The following SERPINB13 variants were observed in gnomAD, a reference collection of about 807,000 sequenced individuals.
The protein encoded by SERPINB13 is serpin family B member 13, also known as serpin B13.
A neutral mutation model predicts 31.2 loss-of-function variants in SERPINB13; 26 were observed. The observed-to-expected ratio is 0.83, with a 90% CI of 0.61 to 1.15. The LOEUF is 1.15. Among genes scored for constraint, SERPINB13 ranks in the 50% most tolerant of loss-of-function variants. The pLI is 0.00. For synonymous variants in SERPINB13, 191 were observed against 172.4 expected, an observed-to-expected ratio of 1.11 and a Z score of -0.85; for missense variants, 510 against 469.4, an observed-to-expected ratio of 1.09 and a Z score of -0.80.
chr18:63,592,279 C>T lies in SERPINB13; in HGVS notation c.226-69C>T, dbSNP rs572847965. On this transcript the variant is annotated intron_variant, in intron 3 of 7. Transcript: ENST00000344731. ...GGAGGGAGAGACCCAGCAGCCGCAT[C>T]CTCTTAGGGGAGAATCTGGGCTTGC... 3 of 1,530,562 alleles carry T rather than the reference C, an allele frequency of 2.0e-6. No individual in the cohort carries two copies. The East Asian group carries it at 6.9e-5, about 35-fold the overall frequency. 94.8% of individuals were successfully genotyped at this position (1,530,562 alleles called of 1,614,324 possible).
In SERPINB13 at chr18:63,597,156, C is replaced by T. The variant is rs1384252179; in HGVS notation, c.969C>T (p.Ser323=). 5.0e-6 allele frequency: 8 copies of T among 1,614,058 alleles called. No individual in the cohort carries two copies. The highest frequency in any genetic ancestry group is 1.1e-5 in the South Asian group (1 of 91,090). Residue 323 remains serine (S), a synonymous_variant, in exon 8 of 8, where the codon TCC becomes TCT. Coordinates refer to ENST00000344731, the MANE Select transcript of SERPINB13 (RefSeq NM_012397.4). ...ACTACTCGGGAATGTCGTCAGGCTCCGGGTTGTACGCCCAGAAGTTCCTGC... is the reference window on the plus strand; with the variant it reads ...ACTACTCGGGAATGTCGTCAGGCTCTGGGTTGTACGCCCAGAAGTTCCTGC... ...KADYSGMSSG[S]GLYAQKFLHS...
rs1290572363 is a variant in SERPINB13 at position 63,594,390 on chromosome 18, A to G, written c.508A>G (p.Ser170Gly). The change falls in exon 6 of 8, where the codon AGT (serine) becomes GGT (glycine). Residue 170 changes from serine to glycine, a missense_variant. Transcript: ENST00000344731. Reference protein sequence around the residue: ...IKDLFPDGSISSSTKLVLVNM... With the variant: ...IKDLFPDGSIGSSTKLVLVNM... Reference sequence around the variant, plus strand: ...GGACTTGTTCCCAGATGGCTCTATTAGTAGCTCTACCAAGCTGGTGCTGGT... The same window carrying G: ...GGACTTGTTCCCAGATGGCTCTATTGGTAGCTCTACCAAGCTGGTGCTGGT... 1.2e-6 allele frequency: 2 copies of G among 1,614,090 alleles called. No individual in the cohort carries two copies. Among genetic ancestry groups the G allele is most frequent in the Non-Finnish European group, 1.7e-6 (2 of 1,180,032 alleles).
At position 63,595,156 on chromosome 18, in the gene SERPINB13, T is replaced by A; in HGVS notation, c.743T>A (p.Leu248Gln). 6.2e-7 allele frequency: 1 copy of A among 1,613,670 alleles called. No homozygotes were observed. Among genetic ancestry groups the A allele is most frequent in the Non-Finnish European group, 8.5e-7 (1 of 1,179,852 alleles). ...KNNDLSMFVL[L>Q]PNDIDGLEKI... ...AACGACCTAAGCATGTTTGTGCTTC[T>A]GCCCAACGACATCGATGGCCTGGAG... The change falls in exon 7 of 8, where the codon CTG (leucine) becomes CAG (glutamine). Residue 248 changes from leucine (L) to glutamine (Q), a missense_variant. Transcript: ENST00000344731.
rs1413226769 is a variant in SERPINB13 at position 63,597,291 on chromosome 18, T to C, written c.1104T>C (p.His368=). 1 of 1,614,074 alleles carries C rather than the reference T, an allele frequency of 6.2e-7. No homozygotes were observed. Reference sequence around the variant, plus strand: ...GTCATGAAAATGTTCACTGCAATCATCCCTTCCTGTTCTTCATCAGGCACA... The same window carrying C: ...GTCATGAAAATGTTCACTGCAATCACCCCTTCCTGTTCTTCATCAGGCACA... ...APGHENVHCN[H]PFLFFIRHNE... is the part of the protein sequence containing the mutation. Residue 368 remains histidine (H), a synonymous_variant, in exon 8 of 8, where the codon CAT becomes CAC. Transcript: ENST00000344731.
In SERPINB13 at chr18:63,596,956, T is replaced by C. The variant is rs1050706376; in HGVS notation, c.772-3T>C. On this transcript the variant is annotated splice_polypyrimidine_tract_variant and splice_region_variant and intron_variant, in intron 7 of 7. Transcript: ENST00000344731. ...CATTCTACTCTTCTTTTTTTGAAAA[T>C]AGATAATAGATAAAATAAGTCCTGA... 6 of 1,586,896 alleles carry C rather than the reference T, an allele frequency of 3.8e-6. No individual in the cohort carries two copies. The highest frequency in any genetic ancestry group is 1.4e-5 in the African/African-American group (1 of 73,730).
chr18:63,589,599 T>G (rs547585347), intron 2 of SERPINB13, 57 bp from the exon 3 acceptor site: 2 of 1,590,030 alleles, frequency 1.3e-6, no homozygotes, highest in African/African-American at 2.7e-5. Flanking sequence ...CCTGACTGAT[T>G]CTGTGTGAGG....
In SERPINB13 at chr18:63,592,966, C is replaced by A; in HGVS notation, c.467C>A (p.Thr156Lys). Residue 156 changes from threonine to lysine, a missense_variant, in exon 5 of 8, where the codon ACA (threonine) becomes AAA (lysine). Transcript: ENST00000344731. ...KKINSWVESK[T>K]NEKIKDLFPD... is the part of the protein sequence containing the mutation. ...ATTAATTCCTGGGTTGAAAGCAAAA[C>A]AAATGGTAGAGTATGGGTGGGTCAT... The A allele has an allele frequency of 6.3e-7, 1 of 1,598,296 alleles. No individual in the cohort carries two copies. Among genetic ancestry groups the A allele is most frequent in the Non-Finnish European group, 8.6e-7 (1 of 1,169,426 alleles).
intron 3 of SERPINB13, among the ~76,000 whole-genome samples, chr18:63,590,875 G>C (rs1911809982): frequency 6.6e-6 from 1 of 152,142 alleles, no homozygotes; most frequent in South Asian, 2.1e-4. Context: ...CATCTTAGAG[G>C]TCATCTACTC....
At chr18:63,595,257 C>T in intron 7 of SERPINB13, 73 bp downstream of exon 7, 1 of 1,472,882 alleles carries the variant, frequency 6.8e-7, no homozygotes, top group Non-Finnish European at 9.2e-7. Flanking sequence ...TGAGTAGGAG[C>T]TGGTGGCCAG....
chr18:63,595,331 A>G (rs1053089199), intron 7 of SERPINB13, 147 bp downstream of exon 7: 2 of 720,312 alleles, frequency 2.8e-6, no homozygotes, highest in South Asian at 2.0e-5. Flanking sequence ...ACTGGGGAGC[A>G]TTAAATAGTA....
intron 3 of SERPINB13, 183 bp downstream of exon 3, chr18:63,589,898 T>C: frequency 8.3e-7 from 1 of 1,206,662 alleles, no homozygotes; most frequent in Non-Finnish European, 1.1e-6. Context: ...GATTATACAA[T>C]AATAATAACC....
chr18:63,595,296 C>T, intron 7 of SERPINB13, 112 bp downstream of exon 7: 1 of 1,061,038 alleles, frequency 9.4e-7, no homozygotes, highest in Non-Finnish European at 1.4e-6. Flanking sequence ...GTTTCTCACT[C>T]TCCAGCAGCT....
At chr18:63,596,786 CAGAG>C (rs1329585434) in intron 7 of SERPINB13, among the ~76,000 whole-genome samples, 169 bp from the exon 8 acceptor site, 1 of 152,068 alleles carries the variant, frequency 6.6e-6, no homozygotes, top group Non-Finnish European at 1.5e-5. Context: ...ATAATTTAAA[CAGAG>C]AGATATAAGA....
Position 63,588,697 on chromosome 18 carries a change from A to C in SERPINB13, c.30A>C (p.Arg10=). The C allele has an allele frequency of 6.2e-7, 1 of 1,614,120 alleles. No homozygotes were observed. The change falls in exon 2 of 8, where the codon CGA becomes CGC. Residue 10 remains arginine, a synonymous_variant. Coordinates refer to ENST00000344731, the MANE Select transcript of SERPINB13 (RefSeq NM_012397.4). MDSLGAVST[R]LGFDLFKELK... The stretch of plus-strand genomic sequence containing the variant: ...ATTCACTTGGCGCCGTCAGCACTCG[A>C]CTTGGGTTTGATCTTTTCAAAGAGC...
At chr18:63,589,057 G>A (rs1051642877) in intron 2 of SERPINB13, among the ~76,000 whole-genome samples, 1 of 152,106 alleles carries the variant, frequency 6.6e-6, no homozygotes, top group African/African-American at 2.4e-5. Context: ...ATTTTTTTGA[G>A]TAGAGACTGG....
chr18:63,596,421 A>T (rs1912170313), intron 7 of SERPINB13, among the ~76,000 whole-genome samples: 1 of 152,226 alleles, frequency 6.6e-6, no homozygotes, highest in Non-Finnish European at 1.5e-5. Context: ...TTTGAAATTC[A>T]TCGTAATTAT....
rs151127935 is a variant in SERPINB13 at position 63,587,431 on chromosome 18, C to T, written c.-37C>T. 146 of 470,984 alleles carry T rather than the reference C, an allele frequency of 3.1e-4. No individual in the cohort carries two copies. The highest frequency in any genetic ancestry group is 2.7e-3 in the African/African-American group (134 of 50,184). 29.2% of individuals were successfully genotyped at this position (470,984 alleles called of 1,614,324 possible). ...TCCTAGTTCGTTGCCCAGCCACCAC[C>T]GTCTCTCCAAAAACCCGAGGTAAGT... On this transcript the variant is annotated 5_prime_UTR_variant, in exon 1 of 8. Coordinates refer to ENST00000344731, the MANE Select transcript of SERPINB13 (RefSeq NM_012397.4).
Position 63,594,394 on chromosome 18 carries a change from G to A in SERPINB13, c.512G>A (p.Ser171Asn), listed in dbSNP as rs544319890. Residue 171 changes from serine (S) to asparagine (N), a missense_variant, in exon 6 of 8, where the codon AGC becomes AAC. Coordinates refer to ENST00000344731, the MANE Select transcript of SERPINB13 (RefSeq NM_012397.4). Reference sequence around the variant, plus strand: ...TTGTTCCCAGATGGCTCTATTAGTAGCTCTACCAAGCTGGTGCTGGTGAAC... The same window carrying A: ...TTGTTCCCAGATGGCTCTATTAGTAACTCTACCAAGCTGGTGCTGGTGAAC... ...KDLFPDGSIS[S>N]STKLVLVNMV... The A allele has an allele frequency of 2.5e-6, 4 of 1,614,164 alleles. No individual in the cohort carries two copies. Among genetic ancestry groups the A allele is most frequent in the Admixed American group, 1.7e-5 (1 of 60,030 alleles).
At chr18:63,594,993 T>A in intron 6 of SERPINB13, 36 bp from the exon 7 acceptor site, 1 of 1,571,056 alleles carries the variant, frequency 6.4e-7, no homozygotes, top group Non-Finnish European at 8.6e-7. Context: ...TGGTCTTATG[T>A]CCTTTGATAT....
Sources: allele counts gnomAD v4.1 joint callset (sites outside exome capture counted in the v4.1 genomes callset), GRCh38; gene constraint gnomAD v4.1.1; transcripts MANE v1.5; gene names NCBI Gene and HGNC (gene_info 2026-07-23, HGNC 2026-07-21).